UGT1A6: variants seen among roughly 807,000 people sequenced by gnomAD.
UGT1A6 encodes UDP glucuronosyltransferase family 1 member A6.
Under a neutral mutation model 44.4 loss-of-function variants are expected in UGT1A6, and 32 were observed. The ratio of observed to expected loss-of-function variants is 0.72; its 90% CI spans 0.54 to 0.97. The LOEUF is 0.97. UGT1A6 is among the 50% of genes least tolerant of loss of function. The pLI is 0.00. For synonymous variants in UGT1A6, 238 were observed against 248.5 expected (o/e 0.96, Z 0.40); for missense variants, 685 against 661.9 (o/e 1.03, Z -0.38).
Position 233,724,632 on chromosome 2 carries a change from A to G in UGT1A6, c.861+30767A>G, listed in dbSNP as rs1200392360. On this transcript the variant is annotated intron_variant, in intron 1 of 4. Transcript: ENST00000305139. ...CGGGCAGAGACGCTCCTCACTTCCT[A>G]GATGTGATGGCGGCTGGGAAGAGGC... Among the ~76,000 whole-genome samples, 15 of 136,662 alleles carry G rather than the reference A, an allele frequency of 1.1e-4. 1 individual carries two copies. Among genetic ancestry groups the G allele is most frequent in the Non-Finnish European group, 2.0e-4 (13 of 64,126 alleles). 89.7% of individuals were successfully genotyped at this position (136,662 alleles called of 152,430 possible).
chr2:233,719,816 T>C (rs2076805774), intron 1 of UGT1A6: 21 of 1,580,710 alleles, frequency 1.3e-5, no homozygotes, highest in Non-Finnish European at 1.8e-5. Flanking sequence ...TTATAACAGA[T>C]AAACTGTTGA....
In UGT1A6 at chr2:233,767,858, C is replaced by CGGTA. The variant is rs778473109; in HGVS notation, c.1004_1007dup (p.Tyr336Ter). On this transcript the variant is annotated stop_gained and frameshift_variant, in exon 3 of 5. Transcript: ENST00000305139. LOFTEE classifies it high-confidence loss of function. ...TTTTTGCCCCTCCCAGGTCCTGTGGCGGTACACTGGAACCCGACCATCGAA... is the reference window on the plus strand; with the variant it reads ...TTTTTGCCCCTCCCAGGTCCTGTGGCGGTAGGTACACTGGAACCCGACCATCGAA... 3 of 1,614,120 alleles carry CGGTA rather than the reference C, an allele frequency of 1.9e-6. No homozygotes were observed. The highest frequency in any genetic ancestry group is 2.5e-6 in the Non-Finnish European group (3 of 1,180,018).
intron 1 of UGT1A6, among the ~76,000 whole-genome samples, chr2:233,715,287 A>G (rs1325168484): frequency 6.6e-6 from 1 of 152,128 alleles, no homozygotes; most frequent in East Asian, 1.9e-4. Context: ...CTCCAGTTAT[A>G]TTTTGGCTCT....
At chr2:233,696,598 T>C (rs562696652) in intron 1 of UGT1A6, among the ~76,000 whole-genome samples, 1 of 140,456 alleles carries the variant, frequency 7.1e-6, no homozygotes, top group East Asian at 2.0e-4. Flanking sequence ...CTTTCCAACT[T>C]GGATGCCCTT....
At chr2:233,735,095 T>A (rs2078606910) in intron 1 of UGT1A6, among the ~76,000 whole-genome samples, 2 of 152,186 alleles carry the variant, frequency 1.3e-5, no homozygotes, top group South Asian at 4.1e-4. Context: ...TGTTGAACTG[T>A]CTAATATCGA....
At chr2:233,744,235 A>C (rs943816403) in intron 1 of UGT1A6, among the ~76,000 whole-genome samples, 3 of 151,766 alleles carry the variant, frequency 2.0e-5, no homozygotes, top group African/African-American at 4.9e-5. Flanking sequence ...GAGGGCCTTG[A>C]CTTTGGCTGC....
chr2:233,736,955 C>T (rs954996490), intron 1 of UGT1A6, among the ~76,000 whole-genome samples: 6 of 152,190 alleles, frequency 3.9e-5, no homozygotes, highest in African/African-American at 1.2e-4. Context: ...TCTGTTGGCC[C>T]CTACTGGGAG....
chr2:233,747,722 GT>G (rs574078556), intron 1 of UGT1A6: 15 of 1,612,642 alleles, frequency 9.3e-6, no homozygotes, highest in Middle Eastern at 1.6e-4. Context: ...TTCCTGCTGT[GT>G]TTTTTTTGAG....
chr2:233,711,508 C>A (rs1359627047), intron 1 of UGT1A6, among the ~76,000 whole-genome samples: 1 of 152,188 alleles, frequency 6.6e-6, no homozygotes. Flanking sequence ...CCCTTTCTAG[C>A]GCTCTGTGTC....
chr2:233,695,328 G>A lies in UGT1A6; in HGVS notation c.861+1463G>A, dbSNP rs377270766. Among the ~76,000 whole-genome samples, 90 of 151,830 alleles carry A rather than the reference G, an allele frequency of 5.9e-4. 2 individuals are homozygous for A. In the South Asian group the frequency reaches 0.017, roughly 29 times the overall value. ...TTTAGTAGAGGCGGGGTTTCACCAC[G>A]TTGGCCAGGATGGTCTCAATCTCTT... On this transcript the variant is annotated intron_variant, in intron 1 of 4. Transcript: ENST00000305139.
chr2:233,721,021 C>T (rs914413376), intron 1 of UGT1A6, among the ~76,000 whole-genome samples: 6 of 152,026 alleles, frequency 3.9e-5, no homozygotes, highest in Non-Finnish European at 8.8e-5. Context: ...AGGGAGCCAT[C>T]TTTCTTGTGA....
At chr2:233,754,937 G>A in intron 1 of UGT1A6, 1 of 1,338,066 alleles carries the variant, frequency 7.5e-7, no homozygotes, top group Non-Finnish European at 1.0e-6. Flanking sequence ...AGAGGTCAAA[G>A]GAGAATGGGT....
intron 1 of UGT1A6, 113 bp downstream of exon 1, chr2:233,693,978 G>A (rs1189326021): frequency 1.9e-6 from 3 of 1,557,938 alleles, no homozygotes; most frequent in African/African-American, 1.4e-5. Context: ...GAGAAACGGT[G>A]GGGGGAAGTG....
chr2:233,745,111 T>C (rs1693017578), intron 1 of UGT1A6, among the ~76,000 whole-genome samples: 2 of 151,928 alleles, frequency 1.3e-5, no homozygotes, highest in African/African-American at 4.9e-5. Context: ...TTTAATCTGC[T>C]GTTGGCTGAA....
intron 1 of UGT1A6, among the ~76,000 whole-genome samples, chr2:233,765,711 TTAATAA>T (rs10664358): frequency 2.7e-5 from 4 of 149,240 alleles, no homozygotes; most frequent in African/African-American, 7.4e-5. Context: ...ATAATAATAA[TTAATAA>T]TAATAATAAT....
rs112628426 is a variant in UGT1A6 at position 233,767,948 on chromosome 2, G to A, written c.1081+12G>A. ...AAACGATCTGCTTGGTATGTTGGGC[G>A]GATTGGATGTATAGGTCAAACCAGG... On this transcript the variant is annotated intron_variant, in intron 3 of 4. Transcript: ENST00000305139. 87 of 1,614,164 alleles carry A rather than the reference G, an allele frequency of 5.4e-5. No individual in the cohort carries two copies. The highest frequency in any genetic ancestry group is 6.2e-5 in the Non-Finnish European group (73 of 1,180,040).
intron 1 of UGT1A6, among the ~76,000 whole-genome samples, chr2:233,746,438 T>C (rs1187941624): frequency 1.3e-5 from 2 of 151,694 alleles, no homozygotes; most frequent in African/African-American, 4.9e-5. Context: ...TGTCTTCAGC[T>C]TAAAAAGAAA....
chr2:233,702,927 G>A (rs1248659699), intron 1 of UGT1A6, among the ~76,000 whole-genome samples: 1 of 152,130 alleles, frequency 6.6e-6, no homozygotes, highest in African/African-American at 2.4e-5. Flanking sequence ...TTCTTGCGGA[G>A]CCTTGGTCTG....
rs369417360 is a variant in UGT1A6, at chr2:233,713,137, G to A, written c.861+19272G>A. The A allele has an allele frequency of 3.5e-5, 57 of 1,614,192 alleles. No homozygotes were observed. The South Asian group carries it at 5.3e-4, about 15-fold the overall frequency. ...TGGCTCAGCATGCGGGAGGCCTTGC[G>A]GGACCTCCATGCGAGAGGCCACCAG... On this transcript the variant is annotated intron_variant, in intron 1 of 4. Transcript: ENST00000305139.
Sources: gnomAD v4.1 joint callset for allele counts (sites outside exome capture counted in the v4.1 genomes callset) on GRCh38, gnomAD v4.1.1 for gene constraint, MANE v1.5 for transcripts, NCBI Gene and HGNC (gene_info 2026-07-23, HGNC 2026-07-21) for gene names.